The following MID1 variants were observed in gnomAD, a reference collection of about 807,000 sequenced individuals.
MID1 encodes the protein E3 ubiquitin-protein ligase Midline-1.
In MID1, 7 loss-of-function variants were observed where a neutral mutation model predicts 40.4. The observed-to-expected ratio is 0.17, with a 90% CI of 0.10 to 0.33. The LOEUF (loss-of-function observed/expected upper bound fraction) is 0.33. Among genes scored for constraint, MID1 ranks in the 10% least tolerant of loss-of-function variants. The probability of loss-of-function intolerance (pLI) is 1.00; values close to 1 mark genes in which losing one functional copy is unlikely to be tolerated. For synonymous variants in MID1, 229 were observed against 221.2 expected (o/e 1.04, Z -0.31); for missense variants, 367 against 558.5 (o/e 0.66, Z 3.46).
At chrX:10,809,541 A>G (rs1479165937) in intron 1 of MID1, among the ~76,000 whole-genome samples, 21 of 111,786 alleles carry the variant, frequency 1.9e-4, no homozygotes, top group African/African-American at 6.8e-4. Flanking sequence ...ATGTCCATCA[A>G]CGATAGACTG....
intron 5 of MID1, among the ~76,000 whole-genome samples, chrX:10,478,054 T>C (rs183306617): frequency 8.9e-6 from 1 of 111,866 alleles, no homozygotes; most frequent in African/African-American, 3.2e-5. Context: ...CCTTGAGGAG[T>C]CTGAGAACCT....
At chrX:10,468,063 T>C (rs966687768) in intron 7 of MID1, among the ~76,000 whole-genome samples, 21 of 112,404 alleles carry the variant, frequency 1.9e-4, no homozygotes, top group African/African-American at 5.8e-4. Context: ...TCACCATTTC[T>C]GACCTTTCTA....
intron 2 of MID1, among the ~76,000 whole-genome samples, chrX:10,528,574 C>T (rs948266618): frequency 1.8e-5 from 2 of 112,142 alleles, no homozygotes; most frequent in Non-Finnish European, 3.8e-5. Context: ...AACATGTAAA[C>T]GAGTGGATAG....
intron 1 of MID1, among the ~76,000 whole-genome samples, chrX:10,664,187 G>A (rs369868717): frequency 9.0e-6 from 1 of 111,252 alleles, no homozygotes; most frequent in East Asian, 2.8e-4. Context: ...TTGAGACAGT[G>A]TTTGGCTCTT....
intron 1 of MID1, among the ~76,000 whole-genome samples, chrX:10,796,892 T>A (rs982386718): frequency 1.8e-5 from 2 of 111,453 alleles, no homozygotes; most frequent in Middle Eastern, 4.6e-3. Flanking sequence ...GAACTTAGTT[T>A]AGGAGAAGGT....
intron 1 of MID1, among the ~76,000 whole-genome samples, chrX:10,833,069 T>C (rs999195983): frequency 8.9e-5 from 10 of 112,725 alleles, no homozygotes; most frequent in African/African-American, 3.2e-4. Flanking sequence ...CTTTATTACA[T>C]ATGCAGGATG....
In MID1 at chrX:10,611,539, G is replaced by C. The variant is rs184317463; in HGVS notation, c.-57+8751C>G. Among the ~76,000 whole-genome samples, 103 of 111,003 alleles carry C rather than the reference G, an allele frequency of 9.3e-4. 1 individual carries two copies. The highest frequency in any genetic ancestry group is 2.9e-3 in the African/African-American group (88 of 30,552). ...TGTTATTCAACTATGGCAGTTCTAG[G>C]CCCAGTAATCTATTCCATCCCCATA... On this transcript the variant is annotated intron_variant, in intron 1 of 9. Transcript: ENST00000317552.
chrX:10,675,776 T>A (rs2043019116), intron 1 of MID1, among the ~76,000 whole-genome samples: 1 of 111,778 alleles, frequency 8.9e-6, no homozygotes. Flanking sequence ...AGAAGCAACA[T>A]TTGCCCAAGA....
intron 1 of MID1, among the ~76,000 whole-genome samples, chrX:10,665,219 T>C (rs1487948699): frequency 8.9e-6 from 1 of 112,352 alleles, no homozygotes; most frequent in Admixed American, 9.4e-5. Flanking sequence ...CTCACAGATG[T>C]ACAACTATTT....
intron 1 of MID1, among the ~76,000 whole-genome samples, chrX:10,613,717 A>ATG (rs1289327768): frequency 1.1e-4 from 6 of 55,421 alleles, no homozygotes; most frequent in Non-Finnish European, 1.8e-4. Context: ...ATATATATAT[A>ATG]TATATATATA....
chrX:10,743,878 C>T (rs2043542371), intron 1 of MID1, among the ~76,000 whole-genome samples: 1 of 111,684 alleles, frequency 9.0e-6, no homozygotes, highest in African/African-American at 3.3e-5. Context: ...GCTCCACCCC[C>T]GCCCTGCACC....
chrX:10,785,953 C>G (rs1242379950), intron 1 of MID1, among the ~76,000 whole-genome samples: 19 of 111,584 alleles, frequency 1.7e-4, no homozygotes, highest in African/African-American at 6.2e-4. Context: ...CAACAAAAGC[C>G]AAAATTGACA....
At chrX:10,466,858 G>T (rs1164628836) in intron 7 of MID1, among the ~76,000 whole-genome samples, 2 of 111,775 alleles carry the variant, frequency 1.8e-5, no homozygotes, top group East Asian at 5.6e-4. Context: ...TCATACAGCT[G>T]GAAAAATGCA....
chrX:10,652,460 T>TG (rs1457221264), intron 1 of MID1, among the ~76,000 whole-genome samples: 2 of 112,038 alleles, frequency 1.8e-5, no homozygotes, highest in African/African-American at 6.5e-5. Context: ...CCTGTCCTTC[T>TG]GCTTCATCTT....
chrX:10,665,141 C>G (rs1397535139), intron 1 of MID1, among the ~76,000 whole-genome samples: 1 of 112,202 alleles, frequency 8.9e-6, no homozygotes, highest in Non-Finnish European at 1.9e-5. Flanking sequence ...GTTTTTGTAG[C>G]TCTTAATAGC....
intron 2 of MID1, among the ~76,000 whole-genome samples, chrX:10,559,321 G>T (rs1934243299): frequency 8.9e-6 from 1 of 112,209 alleles, no homozygotes; most frequent in South Asian, 3.7e-4. Flanking sequence ...AACAAATGCT[G>T]CCATAAAATT....
At chrX:10,674,461 G>A (rs2043008465) in intron 1 of MID1, among the ~76,000 whole-genome samples, 1 of 111,993 alleles carries the variant, frequency 8.9e-6, no homozygotes, top group Non-Finnish European at 1.9e-5. Context: ...GCAAACGTGT[G>A]CCATATGAGT....
chrX:10,550,091 T>C (rs906454492), intron 2 of MID1, among the ~76,000 whole-genome samples: 4 of 112,448 alleles, frequency 3.6e-5, no homozygotes, highest in Admixed American at 9.4e-5. Context: ...ATTTAATGAG[T>C]TAACTTTTGA....
chrX:10,524,043 A>C (rs1427385006), intron 2 of MID1, among the ~76,000 whole-genome samples: 1 of 111,789 alleles, frequency 8.9e-6, no homozygotes, highest in Non-Finnish European at 1.9e-5. Context: ...CTTTATGGAT[A>C]CCAACAAACA....
Sources: allele counts gnomAD v4.1 joint callset (sites outside exome capture counted in the v4.1 genomes callset), GRCh38; gene constraint gnomAD v4.1.1; transcripts MANE v1.5; gene names NCBI Gene and HGNC (gene_info 2026-07-23, HGNC 2026-07-21).